The following MDM2 variants were observed in gnomAD, a reference collection of about 807,000 sequenced individuals.
MDM2 encodes the protein MDM2 proto-oncogene.
A neutral mutation model predicts 64.3 loss-of-function variants in MDM2; 11 were observed. The observed-to-expected ratio is 0.17, with a 90% CI of 0.11 to 0.28. MDM2 has a LOEUF of 0.28. MDM2 is among the 10% of genes least tolerant of loss of function. The pLI is 1.00. For missense variants in MDM2, 388 were observed against 577.1 expected (o/e 0.67, Z 3.36); for synonymous variants, 194 against 192.9 (o/e 1.01, Z -0.05).
At chr12:68,827,254 A>G (rs1882413313) in intron 7 of MDM2, among the ~76,000 whole-genome samples, 1 of 152,174 alleles carries the variant, frequency 6.6e-6, no homozygotes, top group African/African-American at 2.4e-5. Context: ...CTCATGGGTG[A>G]AAAATGATAT....
In MDM2 at chr12:68,844,897, A is replaced by G. The variant is rs889399914; in HGVS notation, c.*5048A>G. On this transcript the variant is annotated 3_prime_UTR_variant, in exon 11 of 11. Transcript: ENST00000258149. ...GTGGTTCTGCTTCAGCCTCCCAAGT[A>G]GCTGGGGTTAGAGCACCCTGTCACC... The G allele has an allele frequency of 1.0e-5, 2 of 200,760 alleles. No individual in the cohort carries two copies. Among genetic ancestry groups the G allele is most frequent in the Admixed American group, 6.0e-5 (1 of 16,588 alleles). 12.4% of individuals were successfully genotyped at this position (200,760 alleles called of 1,614,324 possible). A position where few individuals can be genotyped will look rare whatever the true frequency, so the allele number is the denominator to read the frequency against.
At chr12:68,813,203 C>T (rs1017946135) in intron 2 of MDM2, among the ~76,000 whole-genome samples, 1 of 152,116 alleles carries the variant, frequency 6.6e-6, no homozygotes, top group African/African-American at 2.4e-5. Flanking sequence ...GATAACAGGA[C>T]CCACTCTAAA....
chr12:68,828,439 G>C (rs781323600), intron 7 of MDM2: 34 of 218,996 alleles, frequency 1.6e-4, no homozygotes, highest in Non-Finnish European at 2.9e-4. Context: ...CTATGGTACC[G>C]TTCCTATGGT....
chr12:68,810,224 C>T (rs58006657), intron 2 of MDM2, among the ~76,000 whole-genome samples: 2 of 151,444 alleles, frequency 1.3e-5, no homozygotes, highest in Non-Finnish European at 2.9e-5. Context: ...GCAGGAGAAT[C>T]GCTTGAACCC....
intron 9 of MDM2, among the ~76,000 whole-genome samples, chr12:68,836,240 A>C (rs1274775289): frequency 6.6e-6 from 1 of 152,144 alleles, no homozygotes; most frequent in African/African-American, 2.4e-5. Context: ...TGGTCTGTTC[A>C]CTTTTAAAAA....
chr12:68,834,244 C>G (rs771564622), intron 8 of MDM2, among the ~76,000 whole-genome samples: 2 of 151,980 alleles, frequency 1.3e-5, no homozygotes, highest in Non-Finnish European at 2.9e-5. Flanking sequence ...GATTTCGAGA[C>G]CAGCCCAGCC....
At chr12:68,813,755 G>A in intron 3 of MDM2, 127 bp downstream of exon 3, 1 of 653,890 alleles carries the variant, frequency 1.5e-6, no homozygotes, top group Middle Eastern at 4.2e-4. Context: ...ATTTAATTTT[G>A]TGGTCGTTTG....
At chr12:68,838,621 G>C (rs193222501) in intron 10 of MDM2, among the ~76,000 whole-genome samples, 91 of 152,254 alleles carry the variant, frequency 6.0e-4, no homozygotes, top group East Asian at 5.6e-3. Context: ...AGTCTTTCTC[G>C]AGGAGGCAGG....
chr12:68,819,962 A>C (rs1237504129), intron 4 of MDM2, among the ~76,000 whole-genome samples: 1 of 152,188 alleles, frequency 6.6e-6, no homozygotes, highest in East Asian at 1.9e-4. Context: ...GTTTGCTACT[A>C]AGCACAGAGC....
chr12:68,833,334 A>AATATATTTATATAAATATAAAT (rs1565744222), intron 8 of MDM2, among the ~76,000 whole-genome samples: 5 of 54,638 alleles, frequency 9.2e-5, no homozygotes, highest in Non-Finnish European at 1.4e-4. Flanking sequence ...TAAATATAAA[A>AATATATTTATATAAATATAAAT]ATATATATTT....
At chr12:68,823,494 G>A (rs906694700) in intron 5 of MDM2, among the ~76,000 whole-genome samples, 1 of 151,974 alleles carries the variant, frequency 6.6e-6, no homozygotes, top group Non-Finnish European at 1.5e-5. Context: ...TTTCTTCCTT[G>A]CCTTCTATAT....
rs2136103944 is a variant in MDM2, at chr12:68,808,465, G to A, written c.-13G>A. On this transcript the variant is annotated 5_prime_UTR_variant, in exon 1 of 11. Transcript: ENST00000258149. ...TCTTGAGGGACCCCCGACTCCAAGCGCGAAAACCCCGGATGGTGAGGAGCA... is the reference window on the plus strand; with the variant it reads ...TCTTGAGGGACCCCCGACTCCAAGCACGAAAACCCCGGATGGTGAGGAGCA... The A allele has an allele frequency of 6.2e-7, 1 of 1,614,122 alleles. No individual in the cohort carries two copies. Among genetic ancestry groups the A allele is most frequent in the Non-Finnish European group, 8.5e-7 (1 of 1,180,008 alleles).
In MDM2 at chr12:68,839,923, C is replaced by T; in HGVS notation, c.*74C>T. The T allele has an allele frequency of 7.5e-7, 1 of 1,332,912 alleles. No individual in the cohort carries two copies. Among genetic ancestry groups the T allele is most frequent in the Non-Finnish European group, 1.0e-6 (1 of 975,124 alleles). 82.6% of individuals were successfully genotyped at this position (1,332,912 alleles called of 1,614,324 possible). Reference sequence around the variant, plus strand: ...GAATTTAGACAACCTGAAATTTATTCACATATATCAAAGTGAGAAAATGCC... The same window carrying T: ...GAATTTAGACAACCTGAAATTTATTTACATATATCAAAGTGAGAAAATGCC... On this transcript the variant is annotated 3_prime_UTR_variant, in exon 11 of 11. Transcript: ENST00000258149.
intron 8 of MDM2, among the ~76,000 whole-genome samples, chr12:68,835,390 G>A (rs1191536133): frequency 2.0e-5 from 3 of 152,166 alleles, no homozygotes; most frequent in African/African-American, 7.2e-5. Flanking sequence ...ATTAGTTGAG[G>A]AAGCAATCTA....
At chr12:68,818,101 G>C (rs1304615798) in intron 4 of MDM2, among the ~76,000 whole-genome samples, 1 of 152,040 alleles carries the variant, frequency 6.6e-6, no homozygotes, top group African/African-American at 2.4e-5. Flanking sequence ...GCCTACATTT[G>C]GAATTCTTTG....
At position 68,845,249 on chromosome 12, in the gene MDM2, T is replaced by A. The variant is rs1282326261; in HGVS notation, c.*5400T>A. ...TTCAGCTTAAAAAATTGTTTAAAAG[T>A]TTGTGATCATATTGTCTACCATGTA... On this transcript the variant is annotated 3_prime_UTR_variant, in exon 11 of 11. Coordinates refer to ENST00000258149, the MANE Select transcript of MDM2 (RefSeq NM_002392.6). 2.8e-5 allele frequency: 6 copies of A among 215,434 alleles called. No homozygotes were observed. Among genetic ancestry groups the A allele is most frequent in the African/African-American group, 1.4e-4 (6 of 44,260 alleles). The allele number at this position is 215,434 out of a possible 1,614,324, so 13.3% of individuals were successfully genotyped here.
At chr12:68,826,673 A>T (rs1289368656) in intron 7 of MDM2, among the ~76,000 whole-genome samples, 1 of 151,554 alleles carries the variant, frequency 6.6e-6, no homozygotes, top group African/African-American at 2.4e-5. Context: ...AAGAAAAGAA[A>T]AAAAAGTCTT....
intron 7 of MDM2, 128 bp from the exon 8 acceptor site, chr12:68,828,643 T>A (rs1882537352): frequency 1.4e-6 from 1 of 692,306 alleles, no homozygotes; most frequent in Non-Finnish European, 2.4e-6. Flanking sequence ...TTGGACAGAT[T>A]CAATAAAACA....
chr12:68,831,923 T>C (rs947909343), intron 8 of MDM2, among the ~76,000 whole-genome samples: 1 of 151,986 alleles, frequency 6.6e-6, no homozygotes. Flanking sequence ...TACCAAAAAT[T>C]AGCTGGGCAT....
Sources: allele counts gnomAD v4.1 joint callset (sites outside exome capture counted in the v4.1 genomes callset), GRCh38; gene constraint gnomAD v4.1.1; transcripts MANE v1.5; gene names NCBI Gene and HGNC (gene_info 2026-07-23, HGNC 2026-07-21).